The following SYT13 variants were observed in gnomAD, a reference collection of about 807,000 sequenced individuals.
SYT13 encodes the protein synaptotagmin-13.
SYT13 carries 21 observed loss-of-function variants against 38.6 expected under a neutral mutation model. The ratio of observed to expected loss-of-function variants is 0.54; its 90% CI spans 0.39 to 0.78. The LOEUF (loss-of-function observed/expected upper bound fraction) is 0.78, where lower values mean the gene tolerates loss of function less well. Among genes scored for constraint, SYT13 ranks in the 30% least tolerant of loss-of-function variants. SYT13 has a pLI of 0.00. For missense variants in SYT13, 495 were observed against 548.7 expected (o/e 0.90, Z 0.98); for synonymous variants, 241 against 237.6 (o/e 1.01, Z -0.13).
chr11:45,250,582 T>C (rs1165360874), intron 4 of SYT13, among the ~76,000 whole-genome samples: 1 of 152,164 alleles, frequency 6.6e-6, no homozygotes, highest in African/African-American at 2.4e-5. Context: ...AGTTTAATAA[T>C]CCTAAGTATT....
intron 3 of SYT13, among the ~76,000 whole-genome samples, chr11:45,253,169 TTTCAATGC>T (rs1375064398): frequency 1.1e-4 from 16 of 152,194 alleles, no homozygotes; most frequent in African/African-American, 3.9e-4. Flanking sequence ...ACCTTGGTGT[TTTCAATGC>T]TTCACAATGT....
chr11:45,275,881 A>T (rs1207626452), intron 1 of SYT13, among the ~76,000 whole-genome samples: 1 of 152,192 alleles, frequency 6.6e-6, no homozygotes, highest in African/African-American at 2.4e-5. Context: ...CAATAATAAC[A>T]TATTTGACAG....
At chr11:45,280,774 GATA>G (rs1459269521) in intron 1 of SYT13, among the ~76,000 whole-genome samples, 1 of 152,202 alleles carries the variant, frequency 6.6e-6, no homozygotes, top group African/African-American at 2.4e-5. Flanking sequence ...TAGGTTACAA[GATA>G]ATGATTTAAT....
At chr11:45,259,079 T>A (rs1258229630) in intron 1 of SYT13, among the ~76,000 whole-genome samples, 1 of 152,080 alleles carries the variant, frequency 6.6e-6, no homozygotes, top group Non-Finnish European at 1.5e-5. Context: ...CACCACCCCC[T>A]TGCCCCCTGC....
At chr11:45,260,484 T>C (rs1379034237) in intron 1 of SYT13, among the ~76,000 whole-genome samples, 1 of 152,128 alleles carries the variant, frequency 6.6e-6, no homozygotes, top group Non-Finnish European at 1.5e-5. Context: ...CAAGAATGTC[T>C]GGGGGAAGGA....
chr11:45,281,673 A>AG (rs1855075723), intron 1 of SYT13, among the ~76,000 whole-genome samples: 1 of 141,392 alleles, frequency 7.1e-6, no homozygotes, highest in South Asian at 2.5e-4. Context: ...CCTCAAAAAA[A>AG]AAAAAAAAAA....
intron 3 of SYT13, chr11:45,253,956 C>T (rs1854710747): frequency 4.8e-6 from 1 of 208,652 alleles, no homozygotes; most frequent in Non-Finnish European, 9.4e-6. Context: ...CTTTCTCCTT[C>T]CATCTGCCAG....
At position 45,255,728 on chromosome 11, in the gene SYT13, G is replaced by T. The variant is rs1182814873; in HGVS notation, c.347C>A (p.Pro116His). The part of the protein sequence containing the change: ...EEPTAPASPQ[P>H]PNDSRLKRQV... ...CCTCTTGAGGCGACTGTCATTCGGG[G>T]GTTGGGGGCTGGCAGGTGCAGTGGG... Residue 116 changes from proline (P) to histidine (H), a missense_variant, in exon 2 of 6, where the codon CCC becomes CAC. Pro to His is a moderately conservative substitution (Grantham distance 77). Transcript: ENST00000020926. 1 of 1,614,148 alleles carries T rather than the reference G, an allele frequency of 6.2e-7. No homozygotes were observed. Among genetic ancestry groups the T allele is most frequent in the Non-Finnish European group, 8.5e-7 (1 of 1,180,016 alleles).
chr11:45,264,937 A>G (rs908935884), intron 1 of SYT13, among the ~76,000 whole-genome samples: 1 of 152,206 alleles, frequency 6.6e-6, no homozygotes, highest in African/African-American at 2.4e-5. Context: ...AAGTTTCTTA[A>G]AAGTTAAACA....
At chr11:45,284,198 G>A (rs78602411) in intron 1 of SYT13, among the ~76,000 whole-genome samples, 1,974 of 152,314 alleles carry the variant, frequency 0.013, 43 homozygotes, top group African/African-American at 0.046. Context: ...GGAGAGGCAG[G>A]CACCTTCCAT....
intron 1 of SYT13, among the ~76,000 whole-genome samples, chr11:45,266,539 C>T (rs1424199551): frequency 1.3e-5 from 2 of 151,354 alleles, no homozygotes; most frequent in South Asian, 2.1e-4. Context: ...CACACATACA[C>T]ACATCCTAAT....
At chr11:45,266,034 C>T (rs1590522625) in intron 1 of SYT13, among the ~76,000 whole-genome samples, 1 of 152,146 alleles carries the variant, frequency 6.6e-6, no homozygotes, top group Admixed American at 6.5e-5. Flanking sequence ...GTATATTTCA[C>T]TGTATGCAAA....
At chr11:45,275,176 G>A (rs1854995979) in intron 1 of SYT13, among the ~76,000 whole-genome samples, 1 of 152,158 alleles carries the variant, frequency 6.6e-6, no homozygotes, top group African/African-American at 2.4e-5. Flanking sequence ...AATGTATTCA[G>A]TCATTCAACA....
chr11:45,277,956 G>T (rs1433807034), intron 1 of SYT13, among the ~76,000 whole-genome samples: 1 of 152,202 alleles, frequency 6.6e-6, no homozygotes, highest in South Asian at 2.1e-4. Context: ...TCATTGGGAA[G>T]AGGGTAGTTA....
intron 1 of SYT13, among the ~76,000 whole-genome samples, chr11:45,261,522 C>T (rs182839631): frequency 3.3e-5 from 5 of 152,096 alleles, no homozygotes; most frequent in Admixed American, 6.5e-5. Flanking sequence ...GGCGTGAACC[C>T]AGAAGGCGGA....
chr11:45,282,816 T>C (rs1179298674), intron 1 of SYT13, among the ~76,000 whole-genome samples: 3 of 152,208 alleles, frequency 2.0e-5, no homozygotes, highest in Non-Finnish European at 4.4e-5. Context: ...TAATGCTATC[T>C]ACAGACCCTT....
intron 3 of SYT13, chr11:45,254,039 T>C: frequency 2.5e-6 from 1 of 393,758 alleles, no homozygotes; most frequent in East Asian, 4.2e-5. Flanking sequence ...GTCTGGTCCT[T>C]GAATCACCAT....
chr11:45,252,261 G>T lies in SYT13; in HGVS notation c.846+160C>A, dbSNP rs1426044421. On this transcript the variant is annotated intron_variant, in intron 4 of 5. Coordinates refer to ENST00000020926, the MANE Select transcript of SYT13 (RefSeq NM_020826.3). This position sits in a 1 kb window ranked among gnomAD's most constrained non-coding sequence, Gnocchi z 4.3. ...GATCCTGGGCTATGGGTCTCCTCTA[G>T]CCCTCTGCCCCATTCAAGATTCCAA... Among the ~76,000 whole-genome samples, 4 of 152,186 alleles carry T rather than the reference G, an allele frequency of 2.6e-5. No individual in the cohort carries two copies. The highest frequency in any genetic ancestry group is 4.4e-5 in the Non-Finnish European group (3 of 68,018).
At chr11:45,263,945 TTAGGACAGAGGCTAGCCCAGCCAAC>T (rs1420907143) in intron 1 of SYT13, among the ~76,000 whole-genome samples, 1 of 152,202 alleles carries the variant, frequency 6.6e-6, no homozygotes, top group Non-Finnish European at 1.5e-5. Flanking sequence ...CGCAGAGCTC[TTAGGACAGAGGCTAGCCCAGCCAAC>T]CCTCGACAAA....
Sources: allele counts gnomAD v4.1 joint callset (sites outside exome capture counted in the v4.1 genomes callset), GRCh38; gene constraint gnomAD v4.1.1; non-coding constraint Gnocchi (gnomAD v3.1); transcripts MANE v1.5; gene names NCBI Gene and HGNC (gene_info 2026-07-23, HGNC 2026-07-21).